C1orf21: variants seen among roughly 807,000 people sequenced by gnomAD.
The protein encoded by C1orf21 is uncharacterized protein C1orf21.
Under a neutral mutation model 18.7 loss-of-function variants are expected in C1orf21, and 3 were observed. That is an observed-to-expected ratio of 0.16 (90% CI 0.07 to 0.42). The LOEUF is 0.42. Among genes scored for constraint, C1orf21 ranks in the 10% least tolerant of loss-of-function variants. The probability of loss-of-function intolerance (pLI) is 0.99; values close to 1 mark genes in which losing one functional copy is unlikely to be tolerated. For synonymous variants in C1orf21, 41 were observed against 46.4 expected (o/e 0.88, Z 0.47); for missense variants, 104 against 143.6 (o/e 0.72, Z 1.41).
chr1:184,420,963 A>G (rs1157029812), intron 1 of C1orf21, among the ~76,000 whole-genome samples: 1 of 152,188 alleles, frequency 6.6e-6, no homozygotes, highest in Non-Finnish European at 1.5e-5. Context: ...TCTTGTGACC[A>G]CAAATGCACC....
At chr1:184,550,790 G>T (rs1202351612) in intron 3 of C1orf21, among the ~76,000 whole-genome samples, 2 of 152,096 alleles carry the variant, frequency 1.3e-5, no homozygotes, top group Non-Finnish European at 2.9e-5. Flanking sequence ...TTCAGCCTCA[G>T]CCTCCCAAAA....
At chr1:184,588,323 AG>A (rs1659386639) in intron 3 of C1orf21, among the ~76,000 whole-genome samples, 1 of 152,244 alleles carries the variant, frequency 6.6e-6, no homozygotes, top group Non-Finnish European at 1.5e-5. Context: ...TGAGCTTGAC[AG>A]CTTCAGTCAA....
At chr1:184,593,909 A>C (rs1027946489) in intron 4 of C1orf21, among the ~76,000 whole-genome samples, 4 of 152,224 alleles carry the variant, frequency 2.6e-5, no homozygotes, top group African/African-American at 9.6e-5. Context: ...GCACTCTATA[A>C]AGTTAAAAAC....
intron 1 of C1orf21, among the ~76,000 whole-genome samples, chr1:184,452,887 T>C (rs1366363363): frequency 6.6e-5 from 10 of 152,212 alleles, no homozygotes; most frequent in African/African-American, 2.4e-4. Context: ...AAAATTTTAG[T>C]AGCTTTGTTT....
chr1:184,585,388 G>T (rs1378632592), intron 3 of C1orf21, among the ~76,000 whole-genome samples: 1 of 152,150 alleles, frequency 6.6e-6, no homozygotes, highest in Admixed American at 6.5e-5. Context: ...CTCCACTGCT[G>T]TTTTCACTTA....
intron 1 of C1orf21, among the ~76,000 whole-genome samples, chr1:184,446,576 A>T (rs1657033177): frequency 6.6e-6 from 1 of 152,192 alleles, no homozygotes; most frequent in African/African-American, 2.4e-5. Flanking sequence ...TTCCAAAACA[A>T]ACAGAACTTT....
At chr1:184,405,924 A>G (rs781332554) in intron 1 of C1orf21, among the ~76,000 whole-genome samples, 4 of 152,136 alleles carry the variant, frequency 2.6e-5, no homozygotes, top group Non-Finnish European at 4.4e-5. Flanking sequence ...ATCTGTAGGG[A>G]TATGTGTGCC....
At chr1:184,405,621 G>T (rs1656232082) in intron 1 of C1orf21, among the ~76,000 whole-genome samples, 1 of 152,204 alleles carries the variant, frequency 6.6e-6, no homozygotes, top group South Asian at 2.1e-4. Flanking sequence ...CAGGGTGGGA[G>T]GGAGCATTCA....
intron 1 of C1orf21, among the ~76,000 whole-genome samples, chr1:184,407,607 C>G (rs1656267947): frequency 2.0e-5 from 3 of 152,124 alleles, no homozygotes; most frequent in Admixed American, 6.5e-5. Flanking sequence ...CCATTTCCCC[C>G]CAAAGCAAAG....
At chr1:184,466,934 G>A (rs1446147077) in intron 1 of C1orf21, among the ~76,000 whole-genome samples, 2 of 152,138 alleles carry the variant, frequency 1.3e-5, no homozygotes, top group African/African-American at 2.4e-5. Flanking sequence ...TTGGGGGGCA[G>A]ATTAGGGCCA....
At chr1:184,488,435 A>G (rs1207439104) in intron 2 of C1orf21, among the ~76,000 whole-genome samples, 1 of 152,208 alleles carries the variant, frequency 6.6e-6, no homozygotes, top group East Asian at 1.9e-4. Context: ...GTAAAGCACC[A>G]TGAGAGGGCT....
At chr1:184,564,398 T>C (rs1659005572) in intron 3 of C1orf21, among the ~76,000 whole-genome samples, 1 of 152,128 alleles carries the variant, frequency 6.6e-6, no homozygotes, top group African/African-American at 2.4e-5. Flanking sequence ...AACCTGCGCC[T>C]CCCAGGTTCA....
chr1:184,445,911 T>G (rs1032930294), intron 1 of C1orf21, among the ~76,000 whole-genome samples: 2 of 152,202 alleles, frequency 1.3e-5, no homozygotes, highest in African/African-American at 4.8e-5. Context: ...TGGCTAAATA[T>G]TTCCCTTGCC....
Position 184,455,840 on chromosome 1 carries a change from A to G in C1orf21, c.-124-21546A>G, listed in dbSNP as rs567018304. 4.6e-5 allele frequency among the ~76,000 whole-genome samples: 7 copies of G among 152,318 alleles called. No homozygotes were observed. The South Asian group carries it at 8.3e-4, about 18-fold the overall frequency. On this transcript the variant is annotated intron_variant, in intron 1 of 5. Transcript: ENST00000235307. ...TTTGGTTTTCACTGTTAAATTTTTG[A>G]TAGCAACCCTAGAAACACATCAAGA...
intron 3 of C1orf21, among the ~76,000 whole-genome samples, chr1:184,585,505 A>C (rs140845143): frequency 3.9e-4 from 60 of 152,142 alleles, no homozygotes; most frequent in African/African-American, 1.3e-3. Context: ...GTACACATGG[A>C]GGTTTGTTAC....
intron 5 of C1orf21, among the ~76,000 whole-genome samples, chr1:184,600,752 T>C (rs1416146585): frequency 6.6e-6 from 1 of 152,230 alleles, no homozygotes; most frequent in African/African-American, 2.4e-5. Flanking sequence ...ATATCAGCCA[T>C]GACAGGTACC....
At chr1:184,447,119 T>G (rs1657047063) in intron 1 of C1orf21, among the ~76,000 whole-genome samples, 1 of 152,160 alleles carries the variant, frequency 6.6e-6, no homozygotes. Flanking sequence ...GAGGCTCTAA[T>G]TTTTCTGGGC....
intron 2 of C1orf21, among the ~76,000 whole-genome samples, chr1:184,480,000 A>G (rs1657630472): frequency 6.6e-6 from 1 of 152,206 alleles, no homozygotes. Flanking sequence ...CATGGAGATT[A>G]CAGAGGTAAA....
chr1:184,452,829 G>A (rs1440204900), intron 1 of C1orf21, among the ~76,000 whole-genome samples: 1 of 152,020 alleles, frequency 6.6e-6, no homozygotes, highest in Non-Finnish European at 1.5e-5. Context: ...TGTCTTTCTT[G>A]TTTTAATATG....
Sources: gnomAD v4.1 joint callset for allele counts (sites outside exome capture counted in the v4.1 genomes callset) on GRCh38, gnomAD v4.1.1 for gene constraint, MANE v1.5 for transcripts, NCBI Gene and HGNC (gene_info 2026-07-23, HGNC 2026-07-21) for gene names.